Variants in DACH2 observed in about 807,000 individuals in gnomAD.
DACH2 encodes dachshund family transcription factor 2, also known as dachshund homolog 2.
In DACH2, 17 loss-of-function variants were observed where a neutral mutation model predicts 35.8. That is an observed-to-expected ratio of 0.48 (90% CI 0.33 to 0.71). DACH2 has a LOEUF of 0.71. DACH2 is among the 30% of genes least tolerant of loss of function. The probability of loss-of-function intolerance (pLI) is 0.02; values close to 1 mark genes in which losing one functional copy is unlikely to be tolerated. For synonymous variants in DACH2, 195 were observed against 177.3 expected, an observed-to-expected ratio of 1.10 and a Z score of -0.79; for missense variants, 469 against 472.7, an observed-to-expected ratio of 0.99 and a Z score of 0.07.
chrX:86,198,977 G>A (rs745428630), intron 1 of DACH2, among the ~76,000 whole-genome samples: 2 of 110,346 alleles, frequency 1.8e-5, no homozygotes, highest in South Asian at 8.0e-4. Context: ...GAAAACTTCA[G>A]TCCAATATCC....
intron 1 of DACH2, among the ~76,000 whole-genome samples, chrX:86,190,719 T>C (rs1309715410): frequency 9.0e-6 from 1 of 111,088 alleles, no homozygotes; most frequent in African/African-American, 3.3e-5. Context: ...CCAAGGTGGG[T>C]GGATCACCTG....
At chrX:86,549,186 G>GA (rs1188761951) in intron 3 of DACH2, among the ~76,000 whole-genome samples, 20 of 111,459 alleles carry the variant, frequency 1.8e-4, no homozygotes, top group Non-Finnish European at 3.2e-4. Context: ...TAATGGCTGG[G>GA]AAAAAAATCT....
At chrX:86,489,231 A>C (rs2038061298) in intron 2 of DACH2, among the ~76,000 whole-genome samples, 1 of 110,415 alleles carries the variant, frequency 9.1e-6, no homozygotes, top group Admixed American at 9.8e-5. Flanking sequence ...CATTCATATC[A>C]CCTGAGATTG....
intron 5 of DACH2, among the ~76,000 whole-genome samples, chrX:86,712,815 C>T (rs1456622701): frequency 4.5e-5 from 5 of 110,567 alleles, no homozygotes; most frequent in South Asian, 3.8e-4. Context: ...TAAGTGAACA[C>T]GGATAGGAGA....
At chrX:86,662,529 G>C (rs1387041351) in intron 4 of DACH2, among the ~76,000 whole-genome samples, 2 of 110,365 alleles carry the variant, frequency 1.8e-5, no homozygotes, top group African/African-American at 3.3e-5. Flanking sequence ...GCAGGCGGAG[G>C]TTGCAGTGAG....
chrX:86,189,669 G>T (rs1208879281), intron 1 of DACH2, among the ~76,000 whole-genome samples: 2 of 111,018 alleles, frequency 1.8e-5, no homozygotes, highest in African/African-American at 6.5e-5. Flanking sequence ...TACAAAAATT[G>T]ACTGTAAAAA....
At chrX:86,386,582 A>G (rs1315437102) in intron 2 of DACH2, among the ~76,000 whole-genome samples, 1 of 111,244 alleles carries the variant, frequency 9.0e-6, no homozygotes, top group Non-Finnish European at 1.9e-5. Flanking sequence ...TTATATCAGC[A>G]TAGACTTCTA....
At chrX:86,659,004 G>A (rs1344244147) in intron 4 of DACH2, among the ~76,000 whole-genome samples, 12 of 111,117 alleles carry the variant, frequency 1.1e-4, no homozygotes. Flanking sequence ...GCTTATAGTG[G>A]AGAGAATCAA....
chrX:86,400,644 C>T (rs756075953), intron 2 of DACH2, among the ~76,000 whole-genome samples: 5 of 112,058 alleles, frequency 4.5e-5, no homozygotes, highest in Admixed American at 2.8e-4. Context: ...TGGAGGTCCA[C>T]TCCAGACCCT....
chrX:86,737,040 C>T (rs1236668735), intron 6 of DACH2, among the ~76,000 whole-genome samples: 1 of 111,421 alleles, frequency 9.0e-6, no homozygotes, highest in Non-Finnish European at 1.9e-5. Context: ...TACACATGCA[C>T]ACACATACTA....
chrX:86,478,035 T>C (rs1298491776), intron 2 of DACH2, among the ~76,000 whole-genome samples: 1 of 111,992 alleles, frequency 8.9e-6, no homozygotes, highest in Non-Finnish European at 1.9e-5. Flanking sequence ...TATTGTTTTT[T>C]CTATTTATAT....
chrX:86,530,380 G>T (rs183248884), intron 3 of DACH2, among the ~76,000 whole-genome samples: 1 of 111,756 alleles, frequency 8.9e-6, no homozygotes, highest in Non-Finnish European at 1.9e-5. Context: ...GTCGGAGGAG[G>T]AACCTGGTAG....
chrX:86,704,828 A>C (rs2041191388), intron 5 of DACH2, among the ~76,000 whole-genome samples: 1 of 110,831 alleles, frequency 9.0e-6, no homozygotes, highest in Non-Finnish European at 1.9e-5. Context: ...CCAGTATGGA[A>C]AACAATGTGG....
chrX:86,780,128 C>T (rs1013137511), intron 7 of DACH2, among the ~76,000 whole-genome samples: 13 of 104,919 alleles, frequency 1.2e-4, no homozygotes, highest in African/African-American at 3.5e-4. Flanking sequence ...ACCCTACTTA[C>T]GCCACAATGA....
chrX:86,305,334 A>G (rs922752099), intron 1 of DACH2, among the ~76,000 whole-genome samples: 6 of 111,996 alleles, frequency 5.4e-5, no homozygotes, highest in Non-Finnish European at 9.4e-5. Flanking sequence ...CTCCTGATAT[A>G]AAATGATAAT....
chrX:86,633,924 T>C (rs942863735), intron 3 of DACH2, among the ~76,000 whole-genome samples: 2 of 112,244 alleles, frequency 1.8e-5, no homozygotes, highest in Admixed American at 1.9e-4. Flanking sequence ...AAATTCAGCA[T>C]CCTTTCATAA....
chrX:86,626,620 C>T (rs756972539), intron 3 of DACH2, among the ~76,000 whole-genome samples: 16 of 113,232 alleles, frequency 1.4e-4, no homozygotes, highest in Non-Finnish European at 2.2e-4. Context: ...CATCCAGGAG[C>T]TTCTGTACAT....
In DACH2 at chrX:86,308,228, C is replaced by T. The variant is rs1433861665; in HGVS notation, c.489-68596C>T. 2.7e-5 allele frequency among the ~76,000 whole-genome samples: 3 copies of T among 112,533 alleles called. No individual in the cohort carries two copies. The East Asian group carries it at 8.4e-4, about 32-fold the overall frequency. On this transcript the variant is annotated intron_variant, in intron 1 of 11. Coordinates refer to ENST00000373125, the MANE Select transcript of DACH2 (RefSeq NM_053281.3). ...CATTTTTGAAGAGCATTATAGTTGT[C>T]CTTTTCTGCATATTAGGTTCCCTAA...
intron 1 of DACH2, among the ~76,000 whole-genome samples, chrX:86,306,384 A>C (rs2034688617): frequency 8.9e-6 from 1 of 112,182 alleles, no homozygotes. Flanking sequence ...CATATGTGAA[A>C]CCTAAATAAG....
Sources: allele counts gnomAD v4.1 joint callset (sites outside exome capture counted in the v4.1 genomes callset), GRCh38; gene constraint gnomAD v4.1.1; transcripts MANE v1.5; gene names NCBI Gene and HGNC (gene_info 2026-07-23, HGNC 2026-07-21).